RIDA: variants seen among roughly 807,000 people sequenced by gnomAD.
RIDA encodes the protein reactive intermediate imine deaminase A.
In RIDA, 17 loss-of-function variants were observed where a neutral mutation model predicts 17.8. The observed-to-expected ratio is 0.96, with a 90% CI of 0.65 to 1.43. The LOEUF (loss-of-function observed/expected upper bound fraction) is 1.43, where lower values mean the gene tolerates loss of function less well. Ranked by LOEUF, RIDA falls within the 40% of genes most tolerant of loss-of-function variation. The pLI, the probability that RIDA is intolerant of heterozygous loss-of-function variation, is 0.00. For synonymous variants in RIDA, 48 were observed against 55.7 expected (o/e 0.86, Z 0.62); for missense variants, 158 against 161.7 (o/e 0.98, Z 0.12).
In RIDA at chr8:98,104,539, T is replaced by C. The variant is rs1356400256; in HGVS notation, c.301A>G (p.Lys101Glu). ...TVNEIYKQYF[K>E]SNFPARAAYQ... ...GCAGCTCTAGCAGGAAAATTACTCT[T>C]GAAATCTGAATTTAAAAGAATTTCA... Residue 101 changes from lysine to glutamate, a missense_variant, in exon 5 of 6, where the codon AAG becomes GAG. Coordinates refer to ENST00000254878, the MANE Select transcript of RIDA (RefSeq NM_005836.3). 25 of 1,573,730 alleles carry C rather than the reference T, an allele frequency of 1.6e-5. No individual in the cohort carries two copies. Among genetic ancestry groups the C allele is most frequent in the Non-Finnish European group, 2.2e-5 (25 of 1,145,696 alleles).
intron 2 of RIDA, among the ~76,000 whole-genome samples, chr8:98,107,751 C>T (rs1815651714): frequency 6.9e-6 from 1 of 145,464 alleles, no homozygotes; most frequent in Non-Finnish European, 1.5e-5. Flanking sequence ...GCATGTGCCA[C>T]CTGACTGGGT....
intron 2 of RIDA, chr8:98,106,629 G>A (rs1045966479): frequency 3.5e-6 from 1 of 286,220 alleles, no homozygotes. Context: ...TTCTTCATTC[G>A]ATATCACGTC....
In RIDA at chr8:98,104,485, TTACTTTGGG is replaced by T; in HGVS notation, c.346_351+3del. 8 of 1,544,562 alleles carry T rather than the reference TTACTTTGGG, an allele frequency of 5.2e-6. No individual in the cohort carries two copies. The highest frequency in any genetic ancestry group is 7.2e-6 in the Non-Finnish European group (8 of 1,117,218). ...TGTACATTAGTCATTTAAAGTGTACTTACTTTGGGTAAAGCAGCAACTTGGTAAGCAGCT... is the reference window on the plus strand; with the variant it reads ...TGTACATTAGTCATTTAAAGTGTACTTAAAGCAGCAACTTGGTAAGCAGCT... On this transcript the variant is annotated splice_donor_variant and splice_donor_region_variant and coding_sequence_variant and intron_variant, in exon 5 of 6. Coordinates refer to ENST00000254878, the MANE Select transcript of RIDA (RefSeq NM_005836.3). LOFTEE classifies it high-confidence loss of function.
intron 5 of RIDA, among the ~76,000 whole-genome samples, chr8:98,104,271 G>A (rs568031798): frequency 2.2e-4 from 34 of 151,796 alleles, no homozygotes; most frequent in African/African-American, 7.7e-4. Flanking sequence ...GTTTTTGTAG[G>A]GATGGCTGTC....
intron 1 of RIDA, among the ~76,000 whole-genome samples, chr8:98,116,812 T>C (rs574180665): frequency 6.6e-6 from 1 of 152,344 alleles, no homozygotes; most frequent in Admixed American, 6.5e-5. Flanking sequence ...CAGGCTGTGC[T>C]CCGCAGCGAG....
chr8:98,106,904 C>T (rs1245983855), intron 2 of RIDA, among the ~76,000 whole-genome samples: 1 of 152,038 alleles, frequency 6.6e-6, no homozygotes, highest in East Asian at 1.9e-4. Flanking sequence ...GCAACAACAA[C>T]AACAAAAAAA....
intron 1 of RIDA, among the ~76,000 whole-genome samples, chr8:98,116,485 A>T (rs1353280765): frequency 6.6e-6 from 1 of 152,212 alleles, no homozygotes; most frequent in Non-Finnish European, 1.5e-5. Context: ...TTCAATTTAT[A>T]GGAAATGTCC....
chr8:98,103,004 T>G (rs1815581400), intron 5 of RIDA, 100 bp from the exon 6 acceptor site: 1 of 782,052 alleles, frequency 1.3e-6, no homozygotes, highest in African/African-American at 1.7e-5. Flanking sequence ...TATAACATTT[T>G]TAACATTAAA....
intron 5 of RIDA, among the ~76,000 whole-genome samples, chr8:98,103,853 T>C (rs1474340557): frequency 6.6e-6 from 1 of 152,064 alleles, no homozygotes; most frequent in East Asian, 1.9e-4. Context: ...TGAGCCAGGA[T>C]GGTCTCGATC....
Position 98,117,019 on chromosome 8 carries a change from C to T in RIDA, c.65+13G>A. The T allele has an allele frequency of 6.2e-7, 1 of 1,611,444 alleles. No homozygotes were observed. Among genetic ancestry groups the T allele is most frequent in the Non-Finnish European group, 8.5e-7 (1 of 1,177,782 alleles). ...CGCCCTGGGTCCGACACAGCTTCCA[C>T]CAGCCACGTTACCTGTAGGGTCCAA... On this transcript the variant is annotated intron_variant, in intron 1 of 5. Transcript: ENST00000254878.
At chr8:98,114,285 A>G (rs1008615276) in intron 1 of RIDA, among the ~76,000 whole-genome samples, 4 of 151,934 alleles carry the variant, frequency 2.6e-5, no homozygotes, top group Admixed American at 2.0e-4. Context: ...ATATTCTTCC[A>G]TTTAGTATTG....
intron 4 of RIDA, among the ~76,000 whole-genome samples, chr8:98,105,120 C>CAAA (rs11354936): frequency 3.2e-4 from 28 of 88,064 alleles, no homozygotes; most frequent in African/African-American, 4.5e-4. Flanking sequence ...AGCTTTCTGG[C>CAAA]AAAAAAAAAA....
intron 1 of RIDA, among the ~76,000 whole-genome samples, chr8:98,115,078 T>C (rs964203907): frequency 5.3e-5 from 8 of 152,040 alleles, no homozygotes; most frequent in Admixed American, 5.2e-4. Context: ...ACCATGCACA[T>C]AAATAACTTA....
chr8:98,115,130 G>A (rs914297549), intron 1 of RIDA, among the ~76,000 whole-genome samples: 6 of 152,100 alleles, frequency 3.9e-5, no homozygotes, highest in Non-Finnish European at 2.9e-5. Flanking sequence ...GCTGACACCT[G>A]TAATCCGAGT....
chr8:98,116,024 C>A (rs555999572), intron 1 of RIDA, among the ~76,000 whole-genome samples: 19 of 152,284 alleles, frequency 1.2e-4, no homozygotes, highest in African/African-American at 4.3e-4. Context: ...TCTTCTACCT[C>A]CATGCCCTCA....
At chr8:98,109,137 T>G (rs1815681170) in intron 1 of RIDA, among the ~76,000 whole-genome samples, 1 of 152,066 alleles carries the variant, frequency 6.6e-6, no homozygotes, top group African/African-American at 2.4e-5. Flanking sequence ...AAGGCTGAAG[T>G]GAGCCATGAG....
At chr8:98,104,082 C>CTTT (rs539041035) in intron 5 of RIDA, among the ~76,000 whole-genome samples, 2,285 of 127,972 alleles carry the variant, frequency 0.018, 34 homozygotes, top group Non-Finnish European at 0.032. Flanking sequence ...TATTTCTTTT[C>CTTT]TTTTTTTTTT....
chr8:98,116,233 A>C (rs371701058), intron 1 of RIDA, among the ~76,000 whole-genome samples: 1 of 152,296 alleles, frequency 6.6e-6, no homozygotes, highest in East Asian at 1.9e-4. Context: ...CCCCAAGTTA[A>C]AATCAATTTG....
intron 1 of RIDA, among the ~76,000 whole-genome samples, chr8:98,109,484 G>A (rs2130553080): frequency 6.6e-6 from 1 of 152,350 alleles, no homozygotes; most frequent in Non-Finnish European, 1.5e-5. Context: ...CATTGGCAAT[G>A]ATGGGGAGCA....
Sources: gnomAD v4.1 joint callset for allele counts (sites outside exome capture counted in the v4.1 genomes callset) on GRCh38, gnomAD v4.1.1 for gene constraint, MANE v1.5 for transcripts, NCBI Gene and HGNC (gene_info 2026-07-23, HGNC 2026-07-21) for gene names.